The following TRAPPC9 variants were observed in gnomAD, a reference collection of about 807,000 sequenced individuals.
TRAPPC9 encodes trafficking protein particle complex subunit 9, also known as IKK2 binding protein.
TRAPPC9 carries 83 observed loss-of-function variants against 124.0 expected under a neutral mutation model. The observed-to-expected ratio is 0.67, with a 90% CI of 0.56 to 0.80. TRAPPC9 has a LOEUF of 0.80. Among genes scored for constraint, TRAPPC9 ranks in the 30% least tolerant of loss-of-function variants. The pLI, the probability that TRAPPC9 is intolerant of heterozygous loss-of-function variation, is 0.00. For missense variants in TRAPPC9, 1,302 were observed against 1,508.3 expected (o/e 0.86, Z 2.27); for synonymous variants, 638 against 617.5 (o/e 1.03, Z -0.49).
intron 19 of TRAPPC9, among the ~76,000 whole-genome samples, chr8:139,925,982 TGCTGCAGCTA>T (rs1473539962): frequency 6.6e-5 from 10 of 152,352 alleles, no homozygotes; most frequent in Middle Eastern, 3.4e-3. Context: ...CCCAATGGTG[TGCTGCAGCTA>T]GCTGGTTCCC....
At chr8:140,308,916 C>T (rs2066216227) in intron 10 of TRAPPC9, among the ~76,000 whole-genome samples, 1 of 151,920 alleles carries the variant, frequency 6.6e-6, no homozygotes, top group South Asian at 2.1e-4. Context: ...AGTCCATGAC[C>T]ACACTGGGCA....
In TRAPPC9 at chr8:140,092,721, C is replaced by T. The variant is rs146645025; in HGVS notation, c.2557-68642G>A. Among the ~76,000 whole-genome samples, 10 of 152,310 alleles carry T rather than the reference C, an allele frequency of 6.6e-5. No homozygotes were observed. In the East Asian group the frequency reaches 1.9e-3, roughly 29 times the overall value. On this transcript the variant is annotated intron_variant, in intron 17 of 22. Transcript: ENST00000438773. ...TGACAAATGGATGATGGAGAGAAAA[C>T]ATCTCACTACGTGATCATCTCTGGG...
At chr8:139,940,431 T>A (rs1370124012) in intron 19 of TRAPPC9, among the ~76,000 whole-genome samples, 1 of 152,234 alleles carries the variant, frequency 6.6e-6, no homozygotes. Flanking sequence ...AACCTCATAG[T>A]GCCAGAAGGA....
chr8:140,348,520 T>C (rs940978162), intron 9 of TRAPPC9, among the ~76,000 whole-genome samples: 14 of 151,278 alleles, frequency 9.3e-5, no homozygotes, highest in African/African-American at 2.9e-4. Context: ...TGATGAAAAC[T>C]CTCTCCTGCT....
chr8:140,087,639 C>T lies in TRAPPC9; in HGVS notation c.2557-63560G>A, dbSNP rs951013320. Among the ~76,000 whole-genome samples the T allele has an allele frequency of 3.3e-5, 5 of 152,168 alleles. No individual in the cohort carries two copies. The highest frequency in any genetic ancestry group is 7.2e-5 in the African/African-American group (3 of 41,442). On this transcript the variant is annotated intron_variant, in intron 17 of 22. Coordinates refer to ENST00000438773, the MANE Select transcript of TRAPPC9 (RefSeq NM_001160372.4). The surrounding 1 kb of genome is among the most constrained non-coding windows in gnomAD (Gnocchi z 4.6). ...AGTGCATCTAAGGTCTGACCACTGT[C>T]GCCAACCTCCTCTGCTGCCGCCCTC...
intron 7 of TRAPPC9, among the ~76,000 whole-genome samples, chr8:140,378,679 T>G (rs923793644): frequency 2.6e-5 from 4 of 152,144 alleles, no homozygotes; most frequent in African/African-American, 9.7e-5. Flanking sequence ...AGGACTGAGG[T>G]ATTTTCTATT....
intron 20 of TRAPPC9, among the ~76,000 whole-genome samples, chr8:139,894,325 C>G (rs1324352119): frequency 6.6e-6 from 1 of 152,192 alleles, no homozygotes; most frequent in African/African-American, 2.4e-5. Flanking sequence ...CAATGCCAAC[C>G]CCCAACGAGA....
At chr8:139,814,827 G>A (rs1824717405) in intron 21 of TRAPPC9, among the ~76,000 whole-genome samples, 1 of 152,226 alleles carries the variant, frequency 6.6e-6, no homozygotes, top group Non-Finnish European at 1.5e-5. Flanking sequence ...AGAAGGTGTG[G>A]TTTCAGAATC....
At chr8:139,791,848 C>A (rs964246975) in intron 21 of TRAPPC9, among the ~76,000 whole-genome samples, 1 of 152,202 alleles carries the variant, frequency 6.6e-6, no homozygotes, top group Admixed American at 6.5e-5. Flanking sequence ...GCATGGGATG[C>A]GGCTCCGCAA....
chr8:140,287,794 C>T (rs916370492), intron 12 of TRAPPC9, 60 bp from the exon 13 acceptor site: 2 of 1,609,580 alleles, frequency 1.2e-6, no homozygotes, highest in African/African-American at 2.7e-5. Context: ...TGCTCAGTTC[C>T]AAATGAGCCT....
chr8:140,338,454 C>T (rs866765706), intron 9 of TRAPPC9, among the ~76,000 whole-genome samples: 10 of 152,162 alleles, frequency 6.6e-5, no homozygotes, highest in Admixed American at 5.2e-4. Context: ...ACAGGACAGA[C>T]GAGACCATGG....
rs1817733659 is a variant in TRAPPC9 at position 139,730,215 on chromosome 8, A to T, written c.*846T>A. 1 of 152,100 alleles carries T rather than the reference A, an allele frequency of 6.6e-6. No homozygotes were observed. The highest frequency in any genetic ancestry group is 2.4e-5 in the African/African-American group (1 of 41,342). 9.4% of individuals were successfully genotyped at this position (152,100 alleles called of 1,614,324 possible). A position where few individuals can be genotyped will look rare whatever the true frequency, so the allele number is the denominator to read the frequency against. On this transcript the variant is annotated 3_prime_UTR_variant, in exon 23 of 23. Transcript: ENST00000438773. Reference sequence around the variant, plus strand: ...CTGTCTCAGCGTTTGCTTATGTGAGATCTCTAACTCAGAACCCGTCCCTTC... The same window carrying T: ...CTGTCTCAGCGTTTGCTTATGTGAGTTCTCTAACTCAGAACCCGTCCCTTC...
chr8:139,839,897 CACGGCAGTTTTCT>C (rs1826617182), intron 21 of TRAPPC9, among the ~76,000 whole-genome samples: 1 of 152,212 alleles, frequency 6.6e-6, no homozygotes, highest in African/African-American at 2.4e-5. Context: ...TGCCTGCTTT[CACGGCAGTTTTCT>C]ACGTTGTAGC....
chr8:140,367,490 T>C (rs1000175503), intron 8 of TRAPPC9, among the ~76,000 whole-genome samples: 3 of 152,200 alleles, frequency 2.0e-5, no homozygotes, highest in Non-Finnish European at 2.9e-5. Context: ...CTACATATTG[T>C]ATGATTCCAA....
At position 139,776,963 on chromosome 8, in the gene TRAPPC9, G is replaced by A. The variant is rs79332325; in HGVS notation, c.3056-44761C>T. On this transcript the variant is annotated intron_variant, in intron 21 of 22. Coordinates refer to ENST00000438773, the MANE Select transcript of TRAPPC9 (RefSeq NM_001160372.4). The surrounding 1 kb of genome is among the most constrained non-coding windows in gnomAD (Gnocchi z 4.1). Reference sequence around the variant, plus strand: ...CTGTGTGCCAGTTCCCAGCTTGCCTGTAACCCCTGCAGAGTCATTCTTGAA... The same window carrying A: ...CTGTGTGCCAGTTCCCAGCTTGCCTATAACCCCTGCAGAGTCATTCTTGAA... 0.08 allele frequency among the ~76,000 whole-genome samples: 12,117 copies of A among 152,136 alleles called. 587 individuals carry two copies. The highest frequency in any genetic ancestry group is 0.14 in the Admixed American group (2,166 of 15,284).
chr8:140,435,218 T>C lies in TRAPPC9; in HGVS notation c.753A>G (p.Ser251=), dbSNP rs1588350105. The change falls in exon 4 of 23, where the codon TCA becomes TCG. Residue 251 remains serine, a synonymous_variant. Transcript: ENST00000438773. ...WLGAALEGLC[S]ASVIYHYPGG... ...CAGGATAGTGATAGATGACAGAAGC[T>C]GAACACAATCCTTCCAGGGCAGCTG... 1 of 1,613,872 alleles carries C rather than the reference T, an allele frequency of 6.2e-7. No homozygotes were observed. Among genetic ancestry groups the C allele is most frequent in the Non-Finnish European group, 8.5e-7 (1 of 1,179,962 alleles).
At chr8:140,122,353 T>G (rs1056377862) in intron 17 of TRAPPC9, among the ~76,000 whole-genome samples, 1 of 152,208 alleles carries the variant, frequency 6.6e-6, no homozygotes, top group Non-Finnish European at 1.5e-5. Flanking sequence ...CTGACCCAGC[T>G]GAGCCATGCC....
rs544820664 is a variant in TRAPPC9, at chr8:139,869,734, T to C, written c.3055+16145A>G. On this transcript the variant is annotated intron_variant, in intron 21 of 22. Coordinates refer to ENST00000438773, the MANE Select transcript of TRAPPC9 (RefSeq NM_001160372.4). ...AATAGTATTGAACTGATAATACCAT[T>C]ATATTAGAAAGCAATAACAAAAGAA... Among the ~76,000 whole-genome samples the C allele has an allele frequency of 2.0e-5, 3 of 152,306 alleles. No homozygotes were observed. In the East Asian group the frequency reaches 5.8e-4, roughly 29 times the overall value.
At position 140,125,587 on chromosome 8, in the gene TRAPPC9, C is replaced by CTTTTTTTTT. The variant is rs11292333; in HGVS notation, c.2556+95863_2556+95871dup. On this transcript the variant is annotated intron_variant, in intron 17 of 22. Transcript: ENST00000438773. ...GCATGTTCATTTATCGAATCTCATT[C>CTTTTTTTTT]TTTTTTTTTTTTTTTTTTTTTTTTT... Among the ~76,000 whole-genome samples the CTTTTTTTTT allele has an allele frequency of 2.0e-3, 137 of 67,818 alleles. 15 individuals carry two copies. Among genetic ancestry groups the CTTTTTTTTT allele is most frequent in the African/African-American group, 4.8e-3 (78 of 16,278 alleles). The allele number at this position is 67,818 out of a possible 152,430, so 44.5% of individuals were successfully genotyped here. A position where few individuals can be genotyped will look rare whatever the true frequency, so the allele number is the denominator to read the frequency against.
Sources: allele counts gnomAD v4.1 joint callset (sites outside exome capture counted in the v4.1 genomes callset), GRCh38; gene constraint gnomAD v4.1.1; non-coding constraint Gnocchi (gnomAD v3.1); transcripts MANE v1.5; gene names NCBI Gene and HGNC (gene_info 2026-07-23, HGNC 2026-07-21).